The following SHISA9 variants were observed in gnomAD, a reference collection of about 807,000 sequenced individuals.
SHISA9 encodes the protein protein shisa-9.
A neutral mutation model predicts 38.0 loss-of-function variants in SHISA9; 13 were observed. The ratio of observed to expected loss-of-function variants is 0.34; its 90% CI spans 0.22 to 0.54. The LOEUF (loss-of-function observed/expected upper bound fraction) is 0.54. SHISA9 is among the 20% of genes least tolerant of loss of function. The pLI is 0.91. For missense variants in SHISA9, 538 were observed against 575.8 expected (o/e 0.93, Z 0.67); for synonymous variants, 275 against 242.0 (o/e 1.14, Z -1.27).
At chr16:13,439,510 C>T in the SHISA9 span, among the ~76,000 whole-genome samples, 3 of 151,934 alleles carry the variant, frequency 2.0e-5, no homozygotes, top group East Asian at 5.8e-4. Flanking sequence ...GTCTATTGTA[C>T]CCTAATACAT....
At chr16:13,289,735 C>T in the SHISA9 span, among the ~76,000 whole-genome samples, 1 of 151,994 alleles carries the variant, frequency 6.6e-6, no homozygotes, top group African/African-American at 2.4e-5. Flanking sequence ...TGATTAATTT[C>T]TGGGAGCATT....
At chr16:13,304,976 T>C in the SHISA9 span, among the ~76,000 whole-genome samples, 1 of 152,244 alleles carries the variant, frequency 6.6e-6, no homozygotes, top group African/African-American at 2.4e-5. Context: ...GTAACTATGC[T>C]AGGCTGATCC....
At chr16:13,241,665 A>T (rs2142096519), downstream of SHISA9, among the ~76,000 whole-genome samples, 1 of 152,198 alleles carries the variant, frequency 6.6e-6, no homozygotes, top group Middle Eastern at 3.4e-3. Flanking sequence ...GGGGAATGAA[A>T]CTTCCACTCT....
intron 2 of SHISA9, among the ~76,000 whole-genome samples, chr16:12,957,136 T>C (rs935698294): frequency 6.6e-6 from 1 of 152,202 alleles, no homozygotes; most frequent in Admixed American, 6.5e-5. Flanking sequence ...TATTAATAAA[T>C]GCTGCTTTGT....
intron 2 of SHISA9, among the ~76,000 whole-genome samples, chr16:13,019,430 T>C (rs942420961): frequency 3.3e-5 from 5 of 152,132 alleles, no homozygotes; most frequent in African/African-American, 4.8e-5. Context: ...ATGTGGCCTT[T>C]CCTCAGTGGG....
the SHISA9 span, among the ~76,000 whole-genome samples, chr16:13,536,001 CTT>C: frequency 2.1e-4 from 31 of 144,682 alleles, no homozygotes; most frequent in Admixed American, 3.4e-4. Flanking sequence ...ATATTTTTTT[CTT>C]TTTTTTTTTT....
At chr16:13,420,919 C>T in the SHISA9 span, among the ~76,000 whole-genome samples, 13 of 152,228 alleles carry the variant, frequency 8.5e-5, no homozygotes, top group Admixed American at 2.0e-4. Flanking sequence ...GATGGTATTA[C>T]AGCTGCTCCC....
intron 2 of SHISA9, among the ~76,000 whole-genome samples, chr16:13,085,373 A>G (rs866030833): frequency 1.3e-5 from 2 of 152,204 alleles, no homozygotes; most frequent in East Asian, 1.9e-4. Flanking sequence ...GCTCCAACAT[A>G]GATATAGGTT....
intron 2 of SHISA9, among the ~76,000 whole-genome samples, chr16:13,187,068 A>G (rs1173273824): frequency 6.6e-6 from 1 of 152,154 alleles, no homozygotes; most frequent in Non-Finnish European, 1.5e-5. Flanking sequence ...TACTGCTTTC[A>G]GTTCTTTGGT....
the SHISA9 span, among the ~76,000 whole-genome samples, chr16:13,449,479 G>A: frequency 6.6e-6 from 1 of 152,208 alleles, no homozygotes; most frequent in Non-Finnish European, 1.5e-5. Flanking sequence ...AAAGGAGCAT[G>A]AGGGAACTTC....
intron 2 of SHISA9, among the ~76,000 whole-genome samples, chr16:13,083,124 G>T (rs1039372620): frequency 6.6e-6 from 1 of 152,136 alleles, no homozygotes. Flanking sequence ...GCCAACAGTG[G>T]GGTCACCAGA....
At chr16:13,353,577 A>G in the SHISA9 span, among the ~76,000 whole-genome samples, 1 of 151,892 alleles carries the variant, frequency 6.6e-6, no homozygotes, top group East Asian at 1.9e-4. Flanking sequence ...AGTAGGGATG[A>G]CAAGTTTTTT....
At chr16:13,203,179 A>T in intron 2 of SHISA9, 1 of 398,938 alleles carries the variant, frequency 2.5e-6, no homozygotes. Context: ...ATCTTTTGAG[A>T]TGATGTCAGA....
rs539717884 is a variant in SHISA9, at chr16:13,237,726, A to C, written c.*2317A>C. ...ATAATAGGAGATCTCCATGTATAAA[A>C]AGGTACCATGCTGTACAAAGCTGGG... On this transcript the variant is annotated 3_prime_UTR_variant, in exon 5 of 5. Transcript: ENST00000558583. 24 of 152,078 alleles carry C rather than the reference A, an allele frequency of 1.6e-4. No individual in the cohort carries two copies. The highest frequency in any genetic ancestry group is 5.5e-4 in the African/African-American group (23 of 41,510). 9.4% of individuals were successfully genotyped at this position (152,078 alleles called of 1,614,324 possible). A position where few individuals can be genotyped will look rare whatever the true frequency, so the allele number is the denominator to read the frequency against.
chr16:13,407,719 C>T, the SHISA9 span, among the ~76,000 whole-genome samples: 1 of 152,076 alleles, frequency 6.6e-6, no homozygotes, highest in African/African-American at 2.4e-5. Flanking sequence ...TTAGGTTAGG[C>T]CATATGACCA....
At chr16:13,524,634 C>G in the SHISA9 span, among the ~76,000 whole-genome samples, 3 of 152,202 alleles carry the variant, frequency 2.0e-5, no homozygotes, top group African/African-American at 2.4e-5. Flanking sequence ...GCATAGCTCA[C>G]TACGGCCTCA....
chr16:13,517,764 C>CA, the SHISA9 span, among the ~76,000 whole-genome samples: 1 of 152,176 alleles, frequency 6.6e-6, no homozygotes, highest in South Asian at 2.1e-4. Flanking sequence ...AAAAACCTCT[C>CA]AAAGTTCTTC....
intron 2 of SHISA9, among the ~76,000 whole-genome samples, chr16:13,028,061 G>T (rs2088855): frequency 0.58 from 88,344 of 151,504 alleles, 26,684 homozygotes; most frequent in Middle Eastern, 0.73. Flanking sequence ...TGGGGTGGGG[G>T]TAATTGACTG....
intron 2 of SHISA9, among the ~76,000 whole-genome samples, chr16:13,108,599 TACCTC>T (rs1456312618): frequency 6.6e-6 from 1 of 152,068 alleles, no homozygotes; most frequent in Non-Finnish European, 1.5e-5. Flanking sequence ...AACCAACCGT[TACCTC>T]AAGACACATG....
Sources: allele counts gnomAD v4.1 joint callset (sites outside exome capture counted in the v4.1 genomes callset), GRCh38; gene constraint gnomAD v4.1.1; transcripts MANE v1.5; gene names NCBI Gene and HGNC (gene_info 2026-07-23, HGNC 2026-07-21).